The following EPC2 variants were observed in gnomAD, a reference collection of about 807,000 sequenced individuals.
The protein encoded by EPC2 is enhancer of polycomb 2, also known as enhancer of polycomb homolog 2.
In EPC2, 14 loss-of-function variants were observed where a neutral mutation model predicts 92.1. The observed-to-expected ratio is 0.15, with a 90% CI of 0.10 to 0.24. The LOEUF (loss-of-function observed/expected upper bound fraction) is 0.24, where lower values mean the gene tolerates loss of function less well. Among genes scored for constraint, EPC2 ranks in the 10% least tolerant of loss-of-function variants. The pLI is 1.00. For synonymous variants in EPC2, 340 were observed against 334.7 expected (o/e 1.02, Z -0.17); for missense variants, 755 against 971.5 (o/e 0.78, Z 2.96).
At chr2:148,677,582 A>C (rs1558806194) in intron 1 of EPC2, among the ~76,000 whole-genome samples, 1 of 152,172 alleles carries the variant, frequency 6.6e-6, no homozygotes, top group Non-Finnish European at 1.5e-5. Flanking sequence ...AGGCTAAGGC[A>C]GTGTGTCCGG....
chr2:148,688,804 A>G (rs1333401739), intron 1 of EPC2, among the ~76,000 whole-genome samples: 1 of 152,202 alleles, frequency 6.6e-6, no homozygotes, highest in African/African-American at 2.4e-5. Context: ...TGTACTAGGC[A>G]TTAGGGATAA....
At chr2:148,740,154 GT>G (rs1438496293) in intron 2 of EPC2, among the ~76,000 whole-genome samples, 4 of 150,518 alleles carry the variant, frequency 2.7e-5, no homozygotes, top group African/African-American at 9.7e-5. Context: ...TCTGCTTGTA[GT>G]TTAAAAGAAT....
chr2:148,718,167 C>T (rs1270137164), intron 2 of EPC2, among the ~76,000 whole-genome samples: 2 of 152,148 alleles, frequency 1.3e-5, no homozygotes, highest in Admixed American at 1.3e-4. Context: ...TTGAAGGTAG[C>T]GTAGCAATGG....
At chr2:148,741,475 C>T (rs1558826254) in intron 2 of EPC2, among the ~76,000 whole-genome samples, 1 of 152,092 alleles carries the variant, frequency 6.6e-6, no homozygotes, top group Non-Finnish European at 1.5e-5. Context: ...ATTTTAACTT[C>T]ATCAGTACTA....
intron 11 of EPC2, among the ~76,000 whole-genome samples, chr2:148,783,220 A>T (rs773372140): frequency 1.4e-4 from 22 of 152,354 alleles, no homozygotes; most frequent in Admixed American, 3.9e-4. Context: ...ATCCTATTTC[A>T]GGGTTAGGCC....
chr2:148,747,596 A>G (rs1558828360), intron 3 of EPC2, among the ~76,000 whole-genome samples: 1 of 152,000 alleles, frequency 6.6e-6, no homozygotes, highest in East Asian at 1.9e-4. Flanking sequence ...CCCACATCAC[A>G]ATCCATTTCA....
chr2:148,784,620 T>G, intron 12 of EPC2, 48 bp from the exon 13 acceptor site: 1 of 1,287,480 alleles, frequency 7.8e-7, no homozygotes, highest in Non-Finnish European at 1.1e-6. Flanking sequence ...TAAAAATAGT[T>G]GTATTGATGT....
At chr2:148,685,630 G>A (rs1320227222) in intron 1 of EPC2, among the ~76,000 whole-genome samples, 5 of 152,166 alleles carry the variant, frequency 3.3e-5, no homozygotes, top group African/African-American at 9.7e-5. Context: ...GTGTGGTGGC[G>A]GGAGCCTGTA....
intron 2 of EPC2, among the ~76,000 whole-genome samples, chr2:148,702,604 C>G (rs898303549): frequency 2.6e-5 from 4 of 152,164 alleles, no homozygotes; most frequent in African/African-American, 9.7e-5. Context: ...CCAGCCTAGT[C>G]TCCTGCAGTG....
chr2:148,745,912 T>G (rs1682977270), intron 3 of EPC2, among the ~76,000 whole-genome samples: 1 of 152,112 alleles, frequency 6.6e-6, no homozygotes, highest in Non-Finnish European at 1.5e-5. Flanking sequence ...AATGAAGTCA[T>G]GATTGAAAAC....
intron 1 of EPC2, among the ~76,000 whole-genome samples, chr2:148,663,236 T>TTATTATTAG (rs1458559794): frequency 1.4e-5 from 2 of 147,520 alleles, no homozygotes; most frequent in African/African-American, 5.0e-5. Flanking sequence ...ATTATTATTA[T>TTATTATTAG]TATTTTGAGA....
chr2:148,716,087 T>TG (rs1476120441), intron 2 of EPC2, among the ~76,000 whole-genome samples: 4 of 152,344 alleles, frequency 2.6e-5, no homozygotes, highest in African/African-American at 9.6e-5. Flanking sequence ...TCATGAGACT[T>TG]GCTGAAGTTG....
chr2:148,771,488 C>A, intron 10 of EPC2, 101 bp downstream of exon 10: 2 of 1,127,524 alleles, frequency 1.8e-6, no homozygotes, highest in Non-Finnish European at 2.5e-6. Flanking sequence ...TTTTTCCAAC[C>A]TAAGAAACAA....
At chr2:148,720,524 G>A (rs1682349740) in intron 2 of EPC2, among the ~76,000 whole-genome samples, 1 of 152,192 alleles carries the variant, frequency 6.6e-6, no homozygotes, top group Non-Finnish European at 1.5e-5. Context: ...GGAGATCCCG[G>A]TACTGGAGTA....
intron 2 of EPC2, among the ~76,000 whole-genome samples, chr2:148,725,082 T>A (rs575400826): frequency 3.5e-4 from 53 of 152,256 alleles, no homozygotes; most frequent in African/African-American, 1.1e-3. Context: ...TCTAATTTTT[T>A]GGAATATAGA....
At chr2:148,646,102 G>T (rs779530811) in intron 1 of EPC2, among the ~76,000 whole-genome samples, 1 of 152,148 alleles carries the variant, frequency 6.6e-6, no homozygotes, top group East Asian at 1.9e-4. Context: ...GGTGTTACTT[G>T]CGTGCGAAGT....
intron 2 of EPC2, among the ~76,000 whole-genome samples, chr2:148,723,083 T>C (rs1682415689): frequency 1.3e-5 from 2 of 152,134 alleles, no homozygotes; most frequent in African/African-American, 4.8e-5. Flanking sequence ...TCTATGTTTA[T>C]TACCTGGGGG....
At chr2:148,704,344 G>T (rs773276772) in intron 2 of EPC2, among the ~76,000 whole-genome samples, 40 of 152,278 alleles carry the variant, frequency 2.6e-4, no homozygotes, top group Non-Finnish European at 5.0e-4. Flanking sequence ...AATGGTGGTT[G>T]CTAGGGACTG....
chr2:148,742,800 A>AG (rs11412567), intron 2 of EPC2, among the ~76,000 whole-genome samples: 1 of 150,640 alleles, frequency 6.6e-6, no homozygotes, highest in African/African-American at 2.4e-5. Flanking sequence ...AAAAAAAAAA[A>AG]GAAAAATCAT....
Sources: gnomAD v4.1 joint callset for allele counts (sites outside exome capture counted in the v4.1 genomes callset) on GRCh38, gnomAD v4.1.1 for gene constraint, MANE v1.5 for transcripts, NCBI Gene and HGNC (gene_info 2026-07-23, HGNC 2026-07-21) for gene names.